CYP4B1: variants seen among roughly 807,000 people sequenced by gnomAD.
The protein encoded by CYP4B1 is cytochrome P450 family 4 subfamily B member 1.
In CYP4B1, 45 loss-of-function variants were observed where a neutral mutation model predicts 54.0. The observed-to-expected ratio is 0.83, with a 90% confidence interval of 0.66 to 1.07. CYP4B1 has a LOEUF of 1.07. Among genes scored for constraint, CYP4B1 ranks in the 50% least tolerant of loss-of-function variants. CYP4B1 has a pLI of 0.00. For synonymous variants in CYP4B1, 248 were observed against 247.5 expected, an observed-to-expected ratio of 1.00 and a Z score of -0.02; for missense variants, 656 against 655.4, an observed-to-expected ratio of 1.00 and a Z score of -0.01.
rs748827485 is a variant in CYP4B1 at position 46,818,030 on chromosome 1, G to A, written c.1272+1G>A. On this transcript the variant is annotated splice_donor_variant, in intron 10 of 11. Coordinates refer to ENST00000371923, the MANE Select transcript of CYP4B1 (RefSeq NM_001099772.2). LOFTEE classifies it high-confidence loss of function. ...CAGTGCTGTATGGCCCGACCCTGAG[G>A]TACCCTTTCCCTGGGCTGGGAGATC... 8.1e-6 allele frequency: 13 copies of A among 1,613,996 alleles called. No individual in the cohort carries two copies. The Admixed American group carries it at 1.0e-4, about 12-fold the overall frequency.
intron 3 of CYP4B1, 114 bp downstream of exon 3, chr1:46,811,298 T>A: frequency 1.8e-6 from 2 of 1,117,728 alleles, no homozygotes; most frequent in South Asian, 2.5e-5. Context: ...AGTTCTCGGG[T>A]GCCCATCCTA....
Position 46,813,467 on chromosome 1 carries a change from A to G in CYP4B1, c.496-15A>G, listed in dbSNP as rs1264977745. 12 of 1,613,920 alleles carry G rather than the reference A, an allele frequency of 7.4e-6. No homozygotes were observed. Among genetic ancestry groups the G allele is most frequent in the Non-Finnish European group, 1.0e-5 (12 of 1,180,000 alleles). ...CATCGCCTCCTACACATTGCCTCCT[A>G]TCCCTGGACTCCAGGACAAGTGGGA... is the stretch of plus-strand genomic sequence containing the variant. On this transcript the variant is annotated splice_polypyrimidine_tract_variant and intron_variant, in intron 4 of 11. Transcript: ENST00000371923.
chr1:46,818,844 C>A lies in CYP4B1; in HGVS notation c.*30C>A, dbSNP rs1679445834. 1 of 1,610,198 alleles carries A rather than the reference C, an allele frequency of 6.2e-7. No homozygotes were observed. Among genetic ancestry groups the A allele is most frequent in the Non-Finnish European group, 8.5e-7 (1 of 1,177,436 alleles). The stretch of plus-strand genomic sequence containing the variant: ...GATGAGAATGGGGTCCCAGATGGCT[C>A]AGGCTGTGACCTCCCTGGGCACCAC... On this transcript the variant is annotated 3_prime_UTR_variant, in exon 12 of 12. Transcript: ENST00000371923.
At chr1:46,810,008 T>C (rs1477478752) in intron 1 of CYP4B1, among the ~76,000 whole-genome samples, 1 of 152,164 alleles carries the variant, frequency 6.6e-6, no homozygotes, top group Non-Finnish European at 1.5e-5. Context: ...TTCAAGCTCA[T>C]CCCAGGTGAC....
rs1678518058 is a variant in CYP4B1 at position 46,799,360 on chromosome 1, A to C, written c.180+99A>C. On this transcript the variant is annotated intron_variant, in intron 1 of 11. Coordinates refer to ENST00000371923, the MANE Select transcript of CYP4B1 (RefSeq NM_001099772.2). Reference sequence around the variant, plus strand: ...AGGGGGCTGTGGAGGGAGACTTCAAACTTGGGCAGGGGGATGATGTCCTGG... The same window carrying C: ...AGGGGGCTGTGGAGGGAGACTTCAACCTTGGGCAGGGGGATGATGTCCTGG... 12 of 1,128,840 alleles carry C rather than the reference A, an allele frequency of 1.1e-5. No individual in the cohort carries two copies. In the South Asian group the frequency reaches 1.9e-4, roughly 17 times the overall value. 69.9% of individuals were successfully genotyped at this position (1,128,840 alleles called of 1,614,324 possible). A position where few individuals can be genotyped will look rare whatever the true frequency, so the allele number is the denominator to read the frequency against.
Position 46,813,932 on chromosome 1 carries a change from C to T in CYP4B1, c.644C>T (p.Ala215Val). 2 of 1,614,174 alleles carry T rather than the reference C, an allele frequency of 1.2e-6. No homozygotes were observed. Among genetic ancestry groups the T allele is most frequent in the Non-Finnish European group, 8.5e-7 (1 of 1,180,012 alleles). ...GHSRDSSYYL[A>V]VSDLTLLMQQ... ...AGCAGGGACAGCAGCTACTACCTTGCAGTCAGCGATCTCACTCTGTTGATG... is the reference window on the plus strand; with the variant it reads ...AGCAGGGACAGCAGCTACTACCTTGTAGTCAGCGATCTCACTCTGTTGATG... The change falls in exon 6 of 12, where the codon GCA becomes GTA. Residue 215 changes from alanine to valine, a missense_variant. Ala to Val is a moderately conservative substitution (Grantham distance 64). Transcript: ENST00000371923.
intron 4 of CYP4B1, among the ~76,000 whole-genome samples, chr1:46,813,209 T>C (rs142543064): frequency 1.1e-4 from 17 of 152,324 alleles, no homozygotes; most frequent in Non-Finnish European, 1.5e-4. Context: ...TACTCCCTTA[T>C]AGGCTGCCCT....
intron 1 of CYP4B1, among the ~76,000 whole-genome samples, chr1:46,807,218 A>C (rs574150381): frequency 3.2e-4 from 48 of 152,296 alleles, no homozygotes; most frequent in Admixed American, 1.5e-3. Context: ...GACCTCGATC[A>C]GGGCACAGGT....
Position 46,799,185 on chromosome 1 carries a change from G to A in CYP4B1, c.104G>A (p.Arg35Gln), listed in dbSNP as rs553628563. The change falls in exon 1 of 12, where the codon CGG becomes CAG. Residue 35 changes from arginine (R) to glutamine (Q), a missense_variant. Transcript: ENST00000371923. The part of the protein sequence containing the change: ...GFLKLIHLLL[R>Q]RQTLAKAMDK... ...CTCAAGCTCATCCACCTGCTGCTGC[G>A]GAGGCAGACGTTGGCTAAGGCTATG... The A allele has an allele frequency of 5.1e-5, 82 of 1,611,362 alleles. No homozygotes were observed. The South Asian group carries it at 6.1e-4, about 12-fold the overall frequency.
intron 1 of CYP4B1, chr1:46,806,944 G>A (rs1307642562): frequency 3.3e-5 from 5 of 152,238 alleles, no homozygotes; most frequent in Non-Finnish European, 7.3e-5. Flanking sequence ...ACCCCACAGG[G>A]AGGATGCCTC....
intron 9 of CYP4B1, among the ~76,000 whole-genome samples, chr1:46,817,744 C>A (rs1408009607): frequency 6.6e-6 from 1 of 152,226 alleles, no homozygotes; most frequent in Non-Finnish European, 1.5e-5. Flanking sequence ...TCACAAATGT[C>A]TATCAGGTGC....
intron 7 of CYP4B1, chr1:46,814,644 A>G: frequency 3.0e-6 from 1 of 334,620 alleles, no homozygotes; most frequent in Non-Finnish European, 5.5e-6. Context: ...TAAGTTCTTT[A>G]TTCATCAATT....
chr1:46,808,272 G>A (rs1052165977), intron 1 of CYP4B1, among the ~76,000 whole-genome samples: 1 of 152,040 alleles, frequency 6.6e-6, no homozygotes, highest in Non-Finnish European at 1.5e-5. Context: ...CAGTGTAAAA[G>A]TGTTCCTATT....
chr1:46,817,932 C>A (rs1246792701), intron 9 of CYP4B1, 33 bp from the exon 10 acceptor site: 2 of 1,609,032 alleles, frequency 1.2e-6, no homozygotes, highest in African/African-American at 1.3e-5. Context: ...CTACCCAGGA[C>A]TACCTGGTCA....
chr1:46,816,669 G>A (rs1679344840), intron 8 of CYP4B1, among the ~76,000 whole-genome samples: 1 of 151,754 alleles, frequency 6.6e-6, no homozygotes, highest in African/African-American at 2.4e-5. Flanking sequence ...ATCAGCCCCA[G>A]TTTCTTTCAT....
chr1:46,814,226 C>A lies in CYP4B1; in HGVS notation c.793C>A (p.Arg265=), dbSNP rs45446505. The A allele has an allele frequency of 1.2e-6, 2 of 1,614,024 alleles. No individual in the cohort carries two copies. Among genetic ancestry groups the A allele is most frequent in the South Asian group, 2.2e-5 (2 of 91,078 alleles). Residue 265 remains arginine, a synonymous_variant, in exon 7 of 12, where the codon CGG becomes AGG. Transcript: ENST00000371923. The part of the protein sequence containing the change: ...HDHTDQVIRE[R]KAALQDEKVR... ...TGGTTCAGACCAGGTCATCAGGGAGCGGAAGGCAGCCCTGCAGGATGAGAA... is the reference window on the plus strand; with the variant it reads ...TGGTTCAGACCAGGTCATCAGGGAGAGGAAGGCAGCCCTGCAGGATGAGAA...
intron 1 of CYP4B1, among the ~76,000 whole-genome samples, chr1:46,800,423 C>T (rs2148392935): frequency 6.6e-6 from 1 of 151,614 alleles, no homozygotes; most frequent in East Asian, 1.9e-4. Context: ...CTCTGCCTCC[C>T]AGATTCAAGC....
At chr1:46,814,109 C>G in intron 6 of CYP4B1, 46 bp downstream of exon 6, 3 of 1,610,638 alleles carry the variant, frequency 1.9e-6, no homozygotes, top group Non-Finnish European at 2.5e-6. Context: ...CTGGGTTCCT[C>G]CTCCTGGCCC....
chr1:46,815,177 T>C lies in CYP4B1; in HGVS notation c.986T>C (p.Leu329Pro). Residue 329 changes from leucine to proline, a missense_variant, in exon 8 of 12, where the codon CTC (leucine) becomes CCC (proline). Coordinates refer to ENST00000371923, the MANE Select transcript of CYP4B1 (RefSeq NM_001099772.2). Reference protein sequence around the residue: ...DTTTSGISWFLYCMALYPEHQ... With the variant: ...DTTTSGISWFPYCMALYPEHQ... ...ACCACCAGTGGTATCTCCTGGTTTC[T>C]CTACTGCATGGCCCTGTACCCTGAG... 6.2e-7 allele frequency: 1 copy of C among 1,613,902 alleles called. No homozygotes were observed. Among genetic ancestry groups the C allele is most frequent in the South Asian group, 1.1e-5 (1 of 91,062 alleles).
Sources: gnomAD v4.1 joint callset for allele counts (sites outside exome capture counted in the v4.1 genomes callset) on GRCh38, gnomAD v4.1.1 for gene constraint, MANE v1.5 for transcripts, NCBI Gene and HGNC (gene_info 2026-07-23, HGNC 2026-07-21) for gene names.